Variants in SHISA6 observed in about 807,000 individuals in gnomAD.
SHISA6 encodes shisa family member 6, also known as protein shisa-6.
Under a neutral mutation model 47.9 loss-of-function variants are expected in SHISA6, and 22 were observed. That is an observed-to-expected ratio of 0.46 (90% CI 0.33 to 0.66). SHISA6 has a LOEUF of 0.66. Among genes scored for constraint, SHISA6 ranks in the 30% least tolerant of loss-of-function variants. The pLI is 0.02. For synonymous variants in SHISA6, 388 were observed against 337.8 expected (o/e 1.15, Z -1.63); for missense variants, 680 against 764.6 (o/e 0.89, Z 1.30).
chr17:11,362,407 T>C (rs1912319167), intron 2 of SHISA6, among the ~76,000 whole-genome samples: 1 of 152,188 alleles, frequency 6.6e-6, no homozygotes, highest in South Asian at 2.1e-4. Flanking sequence ...CCCAAAGCAT[T>C]GAGATTAACA....
At chr17:11,280,237 A>C (rs1476017388) in intron 2 of SHISA6, among the ~76,000 whole-genome samples, 1 of 152,204 alleles carries the variant, frequency 6.6e-6, no homozygotes, top group Admixed American at 6.5e-5. Flanking sequence ...CTCCAGGTAG[A>C]TTGAGAGTCA....
chr17:11,502,891 G>C (rs1013644269), intron 3 of SHISA6, among the ~76,000 whole-genome samples: 5 of 152,166 alleles, frequency 3.3e-5, no homozygotes, highest in Admixed American at 6.5e-5. Flanking sequence ...CTTTTTGGAT[G>C]GGTTTGGGCA....
chr17:11,452,094 T>A (rs567023954), intron 3 of SHISA6, among the ~76,000 whole-genome samples: 1 of 152,314 alleles, frequency 6.6e-6, no homozygotes, highest in Admixed American at 6.5e-5. Context: ...ACATGGAGAA[T>A]AAGCTTTATC....
At chr17:11,449,437 C>T (rs1915322154) in intron 3 of SHISA6, among the ~76,000 whole-genome samples, 1 of 151,084 alleles carries the variant, frequency 6.6e-6, no homozygotes, top group African/African-American at 2.4e-5. Flanking sequence ...AGCGAGACTC[C>T]ATCTCTATTA....
chr17:11,288,310 A>G (rs751775374), intron 2 of SHISA6: 1 of 152,230 alleles, frequency 6.6e-6, no homozygotes, highest in Admixed American at 6.5e-5. Flanking sequence ...GCCATGGAAG[A>G]TAGTAGTCTT....
chr17:11,350,067 T>C (rs1911819010), intron 2 of SHISA6, among the ~76,000 whole-genome samples: 3 of 151,926 alleles, frequency 2.0e-5, no homozygotes, highest in Admixed American at 2.0e-4. Context: ...ACCTTTTTTT[T>C]TGTTGAACCC....
rs567707911 is a variant in SHISA6 at position 11,447,994 on chromosome 17, G to A, written c.895+68485G>A. Reference sequence around the variant, plus strand: ...ACTGTGCATTCCACTTTGTAGAGACGAGCTGGACTCTCTGATGTGACAGTC... The same window carrying A: ...ACTGTGCATTCCACTTTGTAGAGACAAGCTGGACTCTCTGATGTGACAGTC... On this transcript the variant is annotated intron_variant, in intron 3 of 5. Transcript: ENST00000441885. 3.9e-5 allele frequency among the ~76,000 whole-genome samples: 6 copies of A among 152,246 alleles called. No individual in the cohort carries two copies. In the East Asian group the frequency reaches 1.2e-3, roughly 30 times the overall value.
In SHISA6 at chr17:11,555,852, A is replaced by G. The variant is rs1314665821; in HGVS notation, c.1065A>G (p.Val355=). The G allele has an allele frequency of 6.4e-7, 1 of 1,550,534 alleles. No homozygotes were observed. The highest frequency in any genetic ancestry group is 2.4e-5 in the East Asian group (1 of 40,828). The part of the protein sequence containing the change: ...AHLPPSYESA[V]KTNPSKYSSL... ...TGCCCCCATCCTACGAGTCTGCAGT[A>G]AAGACCAACCCCAGCAAGTATTCAT... Residue 355 remains valine (V), a synonymous_variant, in exon 5 of 6, where the codon GTA becomes GTG. Coordinates refer to ENST00000441885, the MANE Select transcript of SHISA6 (RefSeq NM_207386.4).
intron 3 of SHISA6, among the ~76,000 whole-genome samples, chr17:11,421,259 G>A (rs1914445146): frequency 6.6e-6 from 1 of 152,178 alleles, no homozygotes; most frequent in African/African-American, 2.4e-5. Context: ...AAATTTTAGA[G>A]AGCCTTAAAT....
At chr17:11,394,073 T>C (rs1913483473) in intron 3 of SHISA6, among the ~76,000 whole-genome samples, 1 of 152,238 alleles carries the variant, frequency 6.6e-6, no homozygotes, top group African/African-American at 2.4e-5. Context: ...ACTTGTATGC[T>C]GTCTTGCCTA....
chr17:11,241,354 C>A lies in SHISA6; in HGVS notation c.-69C>A. On this transcript the variant is annotated 5_prime_UTR_variant, in exon 1 of 6. Coordinates refer to ENST00000441885, the MANE Select transcript of SHISA6 (RefSeq NM_207386.4). This position sits in a 1 kb window ranked among gnomAD's most constrained non-coding sequence, Gnocchi z 5.5. ...CAGCCCGGCCCGCGCGGCGGGTCCT[C>A]CGAGCCCGGCCCGCCGGGGGAGCGG... is the stretch of plus-strand genomic sequence containing the variant. The A allele has an allele frequency of 4.1e-6, 4 of 976,264 alleles. No homozygotes were observed. Among genetic ancestry groups the A allele is most frequent in the Non-Finnish European group, 4.9e-6 (4 of 818,356 alleles). 60.5% of individuals were successfully genotyped at this position (976,264 alleles called of 1,614,324 possible).
At chr17:11,485,590 C>G (rs72809013) in intron 3 of SHISA6, among the ~76,000 whole-genome samples, 11,480 of 152,116 alleles carry the variant, frequency 0.075, 731 homozygotes, top group African/African-American at 0.16. Flanking sequence ...GACGGCCACG[C>G]GCACTGAGTG....
In SHISA6 at chr17:11,314,507, C is replaced by T. The variant is rs145956018; in HGVS notation, c.799+50981C>T. 2.3e-3 allele frequency among the ~76,000 whole-genome samples: 345 copies of T among 150,708 alleles called. 1 individual carries two copies. The highest frequency in any genetic ancestry group is 7.8e-3 in the African/African-American group (322 of 41,192). ...TATACATGTTCACTGTGTACTTTTA[C>T]GTCATTCCATACTGTTTTTTCATTT... On this transcript the variant is annotated intron_variant, in intron 2 of 5. Transcript: ENST00000441885.
chr17:11,281,200 A>G (rs1365663581), intron 2 of SHISA6, among the ~76,000 whole-genome samples: 3 of 152,112 alleles, frequency 2.0e-5, no homozygotes, highest in South Asian at 2.1e-4. Context: ...ATAATATATC[A>G]TGTATAACAT....
At chr17:11,381,670 T>C (rs915417521) in intron 3 of SHISA6, among the ~76,000 whole-genome samples, 2 of 152,170 alleles carry the variant, frequency 1.3e-5, no homozygotes, top group African/African-American at 4.8e-5. Context: ...TGCTTCCAAA[T>C]GAACTGGACT....
intron 2 of SHISA6, among the ~76,000 whole-genome samples, chr17:11,335,605 C>T (rs1306702612): frequency 6.6e-6 from 1 of 152,122 alleles, no homozygotes; most frequent in African/African-American, 2.4e-5. Context: ...GCTCCTCAAG[C>T]CCCATGAAAA....
chr17:11,550,437 G>T (rs562290335), intron 3 of SHISA6, among the ~76,000 whole-genome samples: 2 of 152,250 alleles, frequency 1.3e-5, no homozygotes, highest in South Asian at 2.1e-4. Flanking sequence ...TTTGTCTGGT[G>T]GGAATTCACA....
At chr17:11,413,720 G>A (rs766396293) in intron 3 of SHISA6, among the ~76,000 whole-genome samples, 19 of 152,260 alleles carry the variant, frequency 1.2e-4, no homozygotes, top group Middle Eastern at 3.4e-3. Flanking sequence ...TGTTCCAGCC[G>A]TGTTTCCAAA....
At chr17:11,501,454 CT>C (rs1195052908) in intron 3 of SHISA6, among the ~76,000 whole-genome samples, 7 of 152,064 alleles carry the variant, frequency 4.6e-5, no homozygotes, top group Non-Finnish European at 7.4e-5. Flanking sequence ...CAAACAGATG[CT>C]ATTTTCAAGA....
Sources: gnomAD v4.1 joint callset for allele counts (sites outside exome capture counted in the v4.1 genomes callset) on GRCh38, gnomAD v4.1.1 for gene constraint, Gnocchi (gnomAD v3.1) non-coding constraint, MANE v1.5 for transcripts, NCBI Gene and HGNC (gene_info 2026-07-23, HGNC 2026-07-21) for gene names.